ASIC2: variants seen among roughly 807,000 people sequenced by gnomAD.
The protein encoded by ASIC2 is acid sensing ion channel subunit 2.
A neutral mutation model predicts 57.3 loss-of-function variants in ASIC2; 25 were observed. The observed-to-expected ratio is 0.44, with a 90% CI of 0.32 to 0.61. ASIC2 has a LOEUF of 0.61. Among genes scored for constraint, ASIC2 ranks in the 20% least tolerant of loss-of-function variants. The pLI, the probability that ASIC2 is intolerant of heterozygous loss-of-function variation, is 0.06. For missense variants in ASIC2, 641 were observed against 738.1 expected (o/e 0.87, Z 1.52); for synonymous variants, 319 against 307.5 (o/e 1.04, Z -0.39).
chr17:33,963,165 C>T (rs1904977276), intron 1 of ASIC2, among the ~76,000 whole-genome samples: 2 of 152,172 alleles, frequency 1.3e-5, no homozygotes, highest in Non-Finnish European at 2.9e-5. Context: ...AGGCTTCCAA[C>T]CTGGACTGGT....
chr17:33,523,644 G>A (rs920422298), intron 1 of ASIC2, among the ~76,000 whole-genome samples: 2 of 152,160 alleles, frequency 1.3e-5, no homozygotes, highest in South Asian at 2.1e-4. Context: ...CTTGGCTTCT[G>A]GCAGGTTCCC....
intron 1 of ASIC2, among the ~76,000 whole-genome samples, chr17:33,171,025 G>T (rs1224676555): frequency 6.6e-6 from 1 of 152,136 alleles, no homozygotes. Context: ...TGATGTGAAG[G>T]CTGGAATTGG....
intron 1 of ASIC2, among the ~76,000 whole-genome samples, chr17:33,968,317 C>T (rs967197191): frequency 6.6e-6 from 1 of 152,192 alleles, no homozygotes; most frequent in African/African-American, 2.4e-5. Context: ...TCTGGCGAGA[C>T]CTGAACAGGG....
At chr17:33,743,354 G>T (rs1808044) in intron 1 of ASIC2, among the ~76,000 whole-genome samples, 52,526 of 152,132 alleles carry the variant, frequency 0.35, 11,021 homozygotes, top group Non-Finnish European at 0.48. Flanking sequence ...CTTGATGGAA[G>T]CTCCATCATG....
intron 1 of ASIC2, among the ~76,000 whole-genome samples, chr17:33,742,299 C>T (rs1910136008): frequency 6.6e-6 from 1 of 152,200 alleles, no homozygotes; most frequent in South Asian, 2.1e-4. Context: ...GCCTCTCTAA[C>T]CACAAGCTAT....
rs1391088632 is a variant in ASIC2, at chr17:33,642,226, A to C, written c.555+513752T>G. Reference sequence around the variant, plus strand: ...AAGGACACCCCCCCCCCCCCCACACACAATGGTTATGGCTGCACACCTGGT... The same window carrying C: ...AAGGACACCCCCCCCCCCCCCACACCCAATGGTTATGGCTGCACACCTGGT... On this transcript the variant is annotated intron_variant, in intron 1 of 9. Transcript: ENST00000359872. 5.7e-3 allele frequency among the ~76,000 whole-genome samples: 759 copies of C among 133,774 alleles called. 7 individuals are homozygous for C. Among genetic ancestry groups the C allele is most frequent in the African/African-American group, 0.017 (648 of 37,938 alleles). 87.8% of individuals were successfully genotyped at this position (133,774 alleles called of 152,430 possible).
intron 1 of ASIC2, chr17:34,001,856 G>A (rs1567783721): frequency 6.6e-6 from 1 of 152,210 alleles, no homozygotes. Flanking sequence ...AGATATTTTT[G>A]CACATGGATA....
At chr17:33,740,694 G>A (rs927294047) in intron 1 of ASIC2, among the ~76,000 whole-genome samples, 9 of 152,134 alleles carry the variant, frequency 5.9e-5, no homozygotes, top group African/African-American at 1.9e-4. Flanking sequence ...CTCCTTCAGG[G>A]CTGGATGAGG....
intron 1 of ASIC2, among the ~76,000 whole-genome samples, chr17:33,664,675 A>C (rs760146573): frequency 6.6e-6 from 1 of 152,228 alleles, no homozygotes; most frequent in Non-Finnish European, 1.5e-5. Context: ...TGGACAGTTG[A>C]TAGAGCAGAG....
At chr17:33,227,285 C>T (rs1907917400) in intron 1 of ASIC2, among the ~76,000 whole-genome samples, 4 of 152,198 alleles carry the variant, frequency 2.6e-5, no homozygotes, top group African/African-American at 7.2e-5. Flanking sequence ...GTGTCATTTA[C>T]CCTTTTGCCC....
At chr17:33,520,296 A>G (rs906000012) in intron 1 of ASIC2, among the ~76,000 whole-genome samples, 2 of 152,234 alleles carry the variant, frequency 1.3e-5, no homozygotes, top group Admixed American at 1.3e-4. Context: ...AGACAGGGTC[A>G]GTGGGGAAGC....
At chr17:33,217,475 A>G (rs385324) in intron 1 of ASIC2, among the ~76,000 whole-genome samples, 106,787 of 152,148 alleles carry the variant, frequency 0.7, 37,748 homozygotes, top group Non-Finnish European at 0.75. Flanking sequence ...CCATCATGAC[A>G]CTTGTTATGG....
At chr17:33,647,509 G>C (rs557984384) in intron 1 of ASIC2, among the ~76,000 whole-genome samples, 13 of 152,288 alleles carry the variant, frequency 8.5e-5, no homozygotes, top group African/African-American at 3.1e-4. Flanking sequence ...TCCTGCTGTA[G>C]CTTGCAGTAG....
At chr17:34,089,318 T>A (rs945875777) in intron 1 of ASIC2, among the ~76,000 whole-genome samples, 9 of 152,174 alleles carry the variant, frequency 5.9e-5, no homozygotes, top group African/African-American at 2.2e-4. Context: ...ATGACACATA[T>A]GCACATGCCA....
At chr17:33,652,167 C>G (rs1332311842) in intron 1 of ASIC2, among the ~76,000 whole-genome samples, 1 of 152,192 alleles carries the variant, frequency 6.6e-6, no homozygotes, top group African/African-American at 2.4e-5. Context: ...ACAATAGGAT[C>G]AGGACCTAGG....
At chr17:34,049,826 C>T (rs188040041) in intron 1 of ASIC2, among the ~76,000 whole-genome samples, 2 of 152,268 alleles carry the variant, frequency 1.3e-5, no homozygotes, top group African/African-American at 4.8e-5. Context: ...TCCAGCAAAC[C>T]TGCTCCACGG....
intron 1 of ASIC2, among the ~76,000 whole-genome samples, chr17:33,734,759 A>G (rs1234687962): frequency 6.6e-6 from 1 of 152,154 alleles, no homozygotes; most frequent in Non-Finnish European, 1.5e-5. Context: ...AGAAAAGACC[A>G]TTTGAGGGCA....
intron 1 of ASIC2, among the ~76,000 whole-genome samples, chr17:33,600,428 T>A (rs1905093658): frequency 6.6e-6 from 1 of 152,210 alleles, no homozygotes; most frequent in Admixed American, 6.5e-5. Context: ...GGCATTCTGT[T>A]ATAGCAGTGC....
chr17:33,974,423 G>A (rs1445167807), intron 1 of ASIC2, among the ~76,000 whole-genome samples: 1 of 152,074 alleles, frequency 6.6e-6, no homozygotes, highest in African/African-American at 2.4e-5. Flanking sequence ...TGGCACCCCA[G>A]CCCTATCCCT....
Sources: allele counts gnomAD v4.1 joint callset (sites outside exome capture counted in the v4.1 genomes callset), GRCh38; gene constraint gnomAD v4.1.1; transcripts MANE v1.5; gene names NCBI Gene and HGNC (gene_info 2026-07-23, HGNC 2026-07-21).